The following COLEC12 variants were observed in gnomAD, a reference collection of about 807,000 sequenced individuals.
The protein encoded by COLEC12 is collectin subfamily member 12, also known as collectin-12.
In COLEC12, 33 loss-of-function variants were observed where a neutral mutation model predicts 71.1. The ratio of observed to expected loss-of-function variants is 0.46; its 90% CI spans 0.35 to 0.62. The LOEUF is 0.62. Among genes scored for constraint, COLEC12 ranks in the 20% least tolerant of loss-of-function variants. The probability of loss-of-function intolerance (pLI) is 0.00; values close to 1 mark genes in which losing one functional copy is unlikely to be tolerated. For synonymous variants in COLEC12, 350 were observed against 353.0 expected (o/e 0.99, Z 0.10); for missense variants, 765 against 916.1 (o/e 0.84, Z 2.13).
At chr18:350,423 A>G (rs667308) in intron 3 of COLEC12, among the ~76,000 whole-genome samples, 103,490 of 152,026 alleles carry the variant, frequency 0.68, 36,345 homozygotes, top group Non-Finnish European at 0.77. Context: ...TATCAGCAGC[A>G]TGGGAACGGA....
At chr18:424,487 G>A (rs1916159571) in intron 2 of COLEC12, 1 of 152,152 alleles carries the variant, frequency 6.6e-6, no homozygotes, top group Non-Finnish European at 1.5e-5. Flanking sequence ...AGCCTTTGAG[G>A]TTTTTCCTAT....
intron 8 of COLEC12, among the ~76,000 whole-genome samples, chr18:328,546 G>T (rs1913898065): frequency 6.6e-6 from 1 of 152,142 alleles, no homozygotes; most frequent in South Asian, 2.1e-4. Context: ...TAATAATTAT[G>T]ATGATAATAG....
At chr18:453,925 C>T (rs1225426003) in intron 2 of COLEC12, among the ~76,000 whole-genome samples, 1 of 152,172 alleles carries the variant, frequency 6.6e-6, no homozygotes, top group African/African-American at 2.4e-5. Flanking sequence ...AACATACATC[C>T]CAAATCTTAT....
chr18:345,421 C>T (rs1914349772), intron 5 of COLEC12, among the ~76,000 whole-genome samples: 1 of 152,128 alleles, frequency 6.6e-6, no homozygotes. Flanking sequence ...CTATGTTGCC[C>T]AGGCTGGTCT....
intron 2 of COLEC12, among the ~76,000 whole-genome samples, chr18:389,479 C>T (rs1243997848): frequency 6.6e-6 from 1 of 151,860 alleles, no homozygotes; most frequent in Admixed American, 6.6e-5. Context: ...GGGGTTTCGC[C>T]ATGTTAACCA....
At chr18:394,938 CA>C (rs907229923) in intron 2 of COLEC12, among the ~76,000 whole-genome samples, 2 of 151,910 alleles carry the variant, frequency 1.3e-5, no homozygotes, top group East Asian at 1.9e-4. Context: ...CAAAACAAAA[CA>C]AAAAAAACAC....
intron 2 of COLEC12, among the ~76,000 whole-genome samples, chr18:446,904 C>A (rs1250525366): frequency 1.3e-5 from 2 of 152,298 alleles, no homozygotes; most frequent in Middle Eastern, 3.4e-3. Flanking sequence ...AATACATCAA[C>A]AGGCTTTTGA....
chr18:433,376 T>C (rs1916342127), intron 2 of COLEC12, among the ~76,000 whole-genome samples: 1 of 152,154 alleles, frequency 6.6e-6, no homozygotes. Context: ...TTTAGTTTTC[T>C]ACCCCCAAAC....
chr18:393,613 T>C (rs1382072069), intron 2 of COLEC12, among the ~76,000 whole-genome samples: 1 of 152,226 alleles, frequency 6.6e-6, no homozygotes, highest in Non-Finnish European at 1.5e-5. Context: ...CCTACGCATG[T>C]TCCTCTGCCT....
intron 1 of COLEC12, among the ~76,000 whole-genome samples, chr18:485,365 G>A (rs187333630): frequency 1.5e-4 from 23 of 152,314 alleles, no homozygotes; most frequent in African/African-American, 4.8e-4. Flanking sequence ...TCTAAGTCCT[G>A]CAGTGGTCAT....
chr18:369,357 C>T (rs1207387879), intron 2 of COLEC12, among the ~76,000 whole-genome samples: 1 of 150,612 alleles, frequency 6.6e-6, no homozygotes, highest in Admixed American at 6.6e-5. Flanking sequence ...AAGCATCGTT[C>T]CTTTCCTTCC....
chr18:341,194 A>G (rs1371438801), intron 5 of COLEC12, among the ~76,000 whole-genome samples: 2 of 152,164 alleles, frequency 1.3e-5, no homozygotes, highest in Non-Finnish European at 2.9e-5. Flanking sequence ...CACCTCCCCA[A>G]ACATGTCATC....
chr18:404,369 A>G (rs954947033), intron 2 of COLEC12, among the ~76,000 whole-genome samples: 2 of 152,248 alleles, frequency 1.3e-5, no homozygotes, highest in Non-Finnish European at 2.9e-5. Flanking sequence ...GCTGTTTCCT[A>G]TGTTTAAAGG....
intron 2 of COLEC12, among the ~76,000 whole-genome samples, chr18:371,750 C>G (rs922485473): frequency 6.6e-6 from 1 of 152,146 alleles, no homozygotes; most frequent in Non-Finnish European, 1.5e-5. Context: ...TGTGTCCTGA[C>G]AAGCTGCGAG....
intron 2 of COLEC12, among the ~76,000 whole-genome samples, chr18:418,187 A>G (rs1355469442): frequency 6.6e-6 from 1 of 152,202 alleles, no homozygotes; most frequent in Admixed American, 6.5e-5. Flanking sequence ...TATCTCTCTC[A>G]TTGGATCAGC....
Position 393,665 on chromosome 18 carries a change from C to T in COLEC12, c.59-36143G>A, listed in dbSNP as rs114070070. Among the ~76,000 whole-genome samples, 1,017 of 152,266 alleles carry T rather than the reference C, an allele frequency of 6.7e-3. 13 individuals are homozygous for T. Among genetic ancestry groups the T allele is most frequent in the African/African-American group, 0.022 (923 of 41,540 alleles). On this transcript the variant is annotated intron_variant, in intron 2 of 9. Transcript: ENST00000400256. ...GTCTTTTAGATAAGTGAAATCCTGG[C>T]GGAACTCATAGCTCCTATCTGTGCC...
chr18:366,177 T>C (rs572850611), intron 2 of COLEC12, among the ~76,000 whole-genome samples: 3 of 152,178 alleles, frequency 2.0e-5, no homozygotes, highest in South Asian at 2.1e-4. Flanking sequence ...TGACAGAAGG[T>C]GATGAATGCT....
intron 2 of COLEC12, among the ~76,000 whole-genome samples, chr18:439,927 T>C (rs1366196380): frequency 3.3e-5 from 5 of 152,154 alleles, no homozygotes; most frequent in Admixed American, 2.0e-4. Flanking sequence ...ATAGCTAAGA[T>C]ACAGAAACAA....
intron 2 of COLEC12, among the ~76,000 whole-genome samples, chr18:459,561 C>T (rs1244100890): frequency 2.0e-5 from 3 of 152,220 alleles, no homozygotes; most frequent in Non-Finnish European, 4.4e-5. Context: ...TTTTTGTCTA[C>T]CCTAAAACTC....
Sources: gnomAD v4.1 joint callset for allele counts (sites outside exome capture counted in the v4.1 genomes callset) on GRCh38, gnomAD v4.1.1 for gene constraint, MANE v1.5 for transcripts, NCBI Gene and HGNC (gene_info 2026-07-23, HGNC 2026-07-21) for gene names.